Variants in NXPE4 observed in about 807,000 individuals in gnomAD.
NXPE4 encodes neurexophilin and PC-esterase domain family member 4.
Under a neutral mutation model 33.3 loss-of-function variants are expected in NXPE4, and 42 were observed. The observed-to-expected ratio is 1.26, with a 90% confidence interval of 0.98 to 1.63. The LOEUF (loss-of-function observed/expected upper bound fraction) is 1.63, where lower values mean the gene tolerates loss of function less well. NXPE4 is among the 40% of genes most tolerant of loss of function. The pLI is 0.00. For synonymous variants in NXPE4, 253 were observed against 234.9 expected (o/e 1.08, Z -0.71); for missense variants, 709 against 647.6 (o/e 1.09, Z -1.03).
chr11:114,649,131 G>T, the NXPE4 span, among the ~76,000 whole-genome samples: 2 of 145,148 alleles, frequency 1.4e-5, no homozygotes, highest in Admixed American at 6.9e-5. Context: ...AGCTTGTCAT[G>T]TTTTTTTTTT....
At chr11:114,625,688 G>T in the NXPE4 span, among the ~76,000 whole-genome samples, 1 of 152,164 alleles carries the variant, frequency 6.6e-6, no homozygotes, top group Admixed American at 6.5e-5. Flanking sequence ...TGGCCGAGTA[G>T]GAACAGCCCC....
chr11:114,585,480 A>T (rs1949270599), intron 2 of NXPE4, among the ~76,000 whole-genome samples: 1 of 152,238 alleles, frequency 6.6e-6, no homozygotes, highest in South Asian at 2.1e-4. Flanking sequence ...AGGAGTCACT[A>T]TGCTTATATC....
chr11:114,628,275 C>A, the NXPE4 span, among the ~76,000 whole-genome samples: 1 of 150,216 alleles, frequency 6.7e-6, no homozygotes, highest in Non-Finnish European at 1.5e-5. Flanking sequence ...TGGAAATAAA[C>A]CTCTCCTCAG....
At chr11:114,658,431 G>A in the NXPE4 span, among the ~76,000 whole-genome samples, 2 of 152,128 alleles carry the variant, frequency 1.3e-5, no homozygotes, top group Non-Finnish European at 2.9e-5. Context: ...TCTTTGTTTT[G>A]GACCTCCACT....
chr11:114,636,425 GTTAA>G, the NXPE4 span, among the ~76,000 whole-genome samples: 7 of 151,894 alleles, frequency 4.6e-5, no homozygotes, highest in African/African-American at 7.3e-5. Flanking sequence ...TCCTGGATTC[GTTAA>G]TTGTTTGAAG....
At chr11:114,651,759 G>A in the NXPE4 span, among the ~76,000 whole-genome samples, 1 of 152,154 alleles carries the variant, frequency 6.6e-6, no homozygotes, top group African/African-American at 2.4e-5. Flanking sequence ...TGTTTTTACA[G>A]AGTGCTGATT....
the NXPE4 span, among the ~76,000 whole-genome samples, chr11:114,621,748 C>G: frequency 6.6e-6 from 1 of 150,926 alleles, no homozygotes; most frequent in Non-Finnish European, 1.5e-5. Flanking sequence ...CGGTTAACTG[C>G]TAGATAATAG....
intron 2 of NXPE4, among the ~76,000 whole-genome samples, chr11:114,588,411 G>A (rs1368495983): frequency 6.6e-6 from 1 of 152,158 alleles, no homozygotes; most frequent in Non-Finnish European, 1.5e-5. Flanking sequence ...TAACTCAGGT[G>A]TCTAACCTCT....
At chr11:114,595,195 T>G (rs17117217) in intron 1 of NXPE4, among the ~76,000 whole-genome samples, 24,341 of 152,094 alleles carry the variant, frequency 0.16, 2,298 homozygotes, top group East Asian at 0.41. Context: ...GAATGCAAAT[T>G]AGTTTTTCTG....
At chr11:114,671,362 C>A in the NXPE4 span, among the ~76,000 whole-genome samples, 2 of 151,548 alleles carry the variant, frequency 1.3e-5, no homozygotes, top group East Asian at 1.9e-4. Context: ...GAGAAAGGAC[C>A]AGAAAACAAT....
chr11:114,615,367 G>A, the NXPE4 span, among the ~76,000 whole-genome samples: 3 of 151,926 alleles, frequency 2.0e-5, no homozygotes, highest in Non-Finnish European at 2.9e-5. Flanking sequence ...GATAACCACT[G>A]TTACCCGGTG....
At chr11:114,594,823 C>T (rs183510401) in intron 1 of NXPE4, 54 bp from the exon 2 acceptor site, 1 of 921,786 alleles carries the variant, frequency 1.1e-6, no homozygotes, top group Admixed American at 2.4e-5. Flanking sequence ...AACAGAAAAG[C>T]AAACAAACAT....
intron 2 of NXPE4, among the ~76,000 whole-genome samples, chr11:114,587,466 A>G (rs1949332100): frequency 1.3e-5 from 2 of 152,240 alleles, no homozygotes; most frequent in Non-Finnish European, 2.9e-5. Flanking sequence ...GTCTCTCTCA[A>G]GATCCATCTA....
At chr11:114,615,080 T>A in the NXPE4 span, among the ~76,000 whole-genome samples, 1 of 151,522 alleles carries the variant, frequency 6.6e-6, no homozygotes, top group Non-Finnish European at 1.5e-5. Flanking sequence ...ATTCTTACCC[T>A]GTGGAAAATA....
chr11:114,651,936 C>A, the NXPE4 span, among the ~76,000 whole-genome samples: 1 of 152,148 alleles, frequency 6.6e-6, no homozygotes, highest in Non-Finnish European at 1.5e-5. Context: ...AAGAAACAAA[C>A]CAAATTATTA....
chr11:114,668,186 T>A, the NXPE4 span, among the ~76,000 whole-genome samples: 1 of 152,064 alleles, frequency 6.6e-6, no homozygotes, highest in Non-Finnish European at 1.5e-5. Context: ...GTTTTGTGAT[T>A]CTGTGGCTGG....
upstream of NXPE4, chr11:114,595,818 G>A (rs1949564947): frequency 6.6e-6 from 1 of 152,270 alleles, no homozygotes; most frequent in South Asian, 2.1e-4. Context: ...TTAAGGAGGG[G>A]CCTGGATCAC....
At chr11:114,590,744 C>G (rs1489743710) in intron 2 of NXPE4, among the ~76,000 whole-genome samples, 1 of 152,166 alleles carries the variant, frequency 6.6e-6, no homozygotes, top group Non-Finnish European at 1.5e-5. Flanking sequence ...AAAGGATGGC[C>G]AGCATGCCTC....
intron 2 of NXPE4, chr11:114,583,340 A>G (rs1293274264): frequency 6.4e-6 from 4 of 620,928 alleles, no homozygotes; most frequent in Non-Finnish European, 9.2e-6. Context: ...AGCCCACCCA[A>G]GGAATCCTCA....
Sources: gnomAD v4.1 joint callset for allele counts (sites outside exome capture counted in the v4.1 genomes callset) on GRCh38, gnomAD v4.1.1 for gene constraint, MANE v1.5 for transcripts, NCBI Gene and HGNC (gene_info 2026-07-23, HGNC 2026-07-21) for gene names.